Variants in PDXK observed in about 807,000 individuals in gnomAD.
PDXK encodes pyridoxal kinase.
A neutral mutation model predicts 43.2 loss-of-function variants in PDXK; 15 were observed. The ratio of observed to expected loss-of-function variants is 0.35; its 90% confidence interval spans 0.23 to 0.53. The LOEUF (loss-of-function observed/expected upper bound fraction) is 0.53, where lower values mean the gene tolerates loss of function less well. Ranked by LOEUF, PDXK falls within the 20% of genes least tolerant of loss-of-function variation. The pLI, the probability that PDXK is intolerant of heterozygous loss-of-function variation, is 0.92. For synonymous variants in PDXK, 172 were observed against 165.4 expected (o/e 1.04, Z -0.31); for missense variants, 343 against 417.0 (o/e 0.82, Z 1.54).
rs375526488 is a variant in PDXK, at chr21:43,734,040, C to T, written c.88-29C>T. ...TGGGACCCCAGACCTGGCTCTCTTACGCCTACCTGTTCCTTCTCTGTCTTG... is the reference window on the plus strand; with the variant it reads ...TGGGACCCCAGACCTGGCTCTCTTATGCCTACCTGTTCCTTCTCTGTCTTG... On this transcript the variant is annotated intron_variant, in intron 1 of 10. Transcript: ENST00000291565. The surrounding 1 kb of genome is among the most constrained non-coding windows in gnomAD (Gnocchi z 5.0). 47 of 1,612,024 alleles carry T rather than the reference C, an allele frequency of 2.9e-5. No homozygotes were observed. The highest frequency in any genetic ancestry group is 4.0e-5 in the African/African-American group (3 of 74,904).
chr21:43,755,958 C>T lies in PDXK; in HGVS notation c.834C>T (p.Ala278=), dbSNP rs146321963. ...QRTIQCAKAQ[A]GEGVRPSPMQ... is the part of the protein sequence containing the mutation. ...TCTCTGCCTGCCCCGCAGCCCAGGC[C>T]GGGGAAGGAGTGAGGCCCAGCCCCA... is the stretch of plus-strand genomic sequence containing the variant. The change falls in exon 11 of 11, where the codon GCC becomes GCT. Residue 278 remains alanine (A), a synonymous_variant. Transcript: ENST00000291565. 1.2e-3 allele frequency: 1,906 copies of T among 1,608,554 alleles called. 2 individuals are homozygous for T. The highest frequency in any genetic ancestry group is 1.5e-3 in the Non-Finnish European group (1,731 of 1,176,416).
chr21:43,755,100 G>T (rs547146402), intron 9 of PDXK, among the ~76,000 whole-genome samples: 171 of 152,354 alleles, frequency 1.1e-3, no homozygotes, highest in Non-Finnish European at 2.0e-3. Context: ...GCCGCCCAAG[G>T]TCACATTCTG....
intron 1 of PDXK, among the ~76,000 whole-genome samples, chr21:43,733,015 T>C (rs1420043558): frequency 4.6e-5 from 7 of 152,176 alleles, no homozygotes; most frequent in Non-Finnish European, 1.0e-4. Context: ...CCTAAAGTGC[T>C]GGGATTACAG....
Position 43,754,607 on chromosome 21 carries a change from C to G in PDXK, c.759+888C>G, listed in dbSNP as rs941074047. 6.6e-6 allele frequency among the ~76,000 whole-genome samples: 1 copy of G among 152,172 alleles called. No homozygotes were observed. The highest frequency in any genetic ancestry group is 1.5e-5 in the Non-Finnish European group (1 of 68,024). ...TCAGCCCCCAAAACTCCCCTGGGTACTTCCCACTGCGTCCGCAGTGGGTTC... is the reference window on the plus strand; with the variant it reads ...TCAGCCCCCAAAACTCCCCTGGGTAGTTCCCACTGCGTCCGCAGTGGGTTC... On this transcript the variant is annotated intron_variant, in intron 9 of 10. Coordinates refer to ENST00000291565, the MANE Select transcript of PDXK (RefSeq NM_003681.5). The surrounding 1 kb of genome is among the most constrained non-coding windows in gnomAD (Gnocchi z 5.5).
intron 2 of PDXK, among the ~76,000 whole-genome samples, chr21:43,736,608 G>T (rs2083406719): frequency 6.6e-6 from 1 of 151,452 alleles, no homozygotes; most frequent in African/African-American, 2.4e-5. Context: ...CTCTGCCCAG[G>T]GTTTTCCTTT....
intron 8 of PDXK, among the ~76,000 whole-genome samples, chr21:43,753,060 C>A (rs1361122320): frequency 6.6e-6 from 1 of 152,182 alleles, no homozygotes; most frequent in East Asian, 1.9e-4. Flanking sequence ...GACCTCCTTG[C>A]CGCTCTATGT....
intron 4 of PDXK, 151 bp from the exon 5 acceptor site, chr21:43,745,928 T>A: frequency 1.5e-6 from 1 of 677,804 alleles, no homozygotes; most frequent in Non-Finnish European, 2.7e-6. Flanking sequence ...GCCTGGAAGA[T>A]CGAGGTTGCA....
intron 1 of PDXK, chr21:43,729,064 AC>A: frequency 2.6e-6 from 2 of 774,148 alleles, no homozygotes; most frequent in Non-Finnish European, 1.5e-6. Flanking sequence ...CCAGCCCCCC[AC>A]CCCGCACCCG....
chr21:43,756,251 T>C lies in PDXK; in HGVS notation c.*188T>C, dbSNP rs1423145327. 8.0e-6 allele frequency: 4 copies of C among 497,252 alleles called. No individual in the cohort carries two copies. The highest frequency in any genetic ancestry group is 1.4e-5 in the Non-Finnish European group (4 of 277,884). The allele number at this position is 497,252 out of a possible 1,614,324, so 30.8% of individuals were successfully genotyped here. ...TGCTTTGTGAAAAATAACAAAGTGGTCACAGAAATTTGTGATCTGAAAACC... is the reference window on the plus strand; with the variant it reads ...TGCTTTGTGAAAAATAACAAAGTGGCCACAGAAATTTGTGATCTGAAAACC... On this transcript the variant is annotated 3_prime_UTR_variant, in exon 11 of 11. Transcript: ENST00000291565.
At chr21:43,742,170 A>G (rs759370427) in intron 3 of PDXK, among the ~76,000 whole-genome samples, 2 of 152,114 alleles carry the variant, frequency 1.3e-5, no homozygotes, top group Non-Finnish European at 2.9e-5. Context: ...TTGTATTTGT[A>G]TACATGTTTA....
At chr21:43,749,833 G>T (rs1400183512) in intron 6 of PDXK, among the ~76,000 whole-genome samples, 1 of 152,228 alleles carries the variant, frequency 6.6e-6, no homozygotes, top group Non-Finnish European at 1.5e-5. Context: ...AGAGGAGTGT[G>T]TTGGGCTTGG....
chr21:43,720,823 T>G (rs1239374220), intron 1 of PDXK, among the ~76,000 whole-genome samples: 1 of 152,176 alleles, frequency 6.6e-6, no homozygotes, highest in East Asian at 1.9e-4. Flanking sequence ...GCGTCCACTC[T>G]CTTGGCAGAA....
chr21:43,730,771 T>A (rs957403081), intron 1 of PDXK, among the ~76,000 whole-genome samples: 6 of 151,918 alleles, frequency 3.9e-5, no homozygotes, highest in African/African-American at 1.5e-4. Flanking sequence ...CTGGACAACA[T>A]AGTGAGACTC....
In PDXK at chr21:43,741,821, C is replaced by G. The variant is rs1462507139; in HGVS notation, c.247+50C>G. On this transcript the variant is annotated intron_variant, in intron 3 of 10. Transcript: ENST00000291565. Reference sequence around the variant, plus strand: ...AGGGGACTACGCACCCCACTCCAGCCAGGGTGGGCTCAGGGAGGTCCAGAG... The same window carrying G: ...AGGGGACTACGCACCCCACTCCAGCGAGGGTGGGCTCAGGGAGGTCCAGAG... 2.3e-6 allele frequency: 3 copies of G among 1,277,850 alleles called. No individual in the cohort carries two copies. In the African/African-American group the frequency reaches 4.4e-5, roughly 19 times the overall value. The allele number at this position is 1,277,850 out of a possible 1,614,324, so 79.2% of individuals were successfully genotyped here.
rs1055402772 is a variant in PDXK at position 43,754,848 on chromosome 21, C to A, written c.760-850C>A. The stretch of plus-strand genomic sequence containing the variant: ...CCCCCGGGGTACACCTCCTCCCCAA[C>A]AAGTCAGTTTCAGCTGAGTGTCCTG... On this transcript the variant is annotated intron_variant, in intron 9 of 10. Transcript: ENST00000291565. The surrounding 1 kb of genome is among the most constrained non-coding windows in gnomAD (Gnocchi z 5.5). Among the ~76,000 whole-genome samples, 1 of 152,170 alleles carries A rather than the reference C, an allele frequency of 6.6e-6. No individual in the cohort carries two copies. The highest frequency in any genetic ancestry group is 1.5e-5 in the Non-Finnish European group (1 of 68,022).
At position 43,737,009 on chromosome 21, in the gene PDXK, T is replaced by G; in HGVS notation, c.142+2886T>G. 1.4e-6 allele frequency: 1 copy of G among 706,064 alleles called. No homozygotes were observed. The highest frequency in any genetic ancestry group is 2.6e-6 in the Non-Finnish European group (1 of 388,116). The allele number at this position is 706,064 out of a possible 1,614,324, so 43.7% of individuals were successfully genotyped here. A position where few individuals can be genotyped will look rare whatever the true frequency, so the allele number is the denominator to read the frequency against. On this transcript the variant is annotated intron_variant, in intron 2 of 10. Coordinates refer to ENST00000291565, the MANE Select transcript of PDXK (RefSeq NM_003681.5). The surrounding 1 kb of genome is among the most constrained non-coding windows in gnomAD (Gnocchi z 4.8). ...GCGTGAAGTGGCGCAACCAGCTCAC[T>G]GCAGCCTTGACCTCCTGGGCTGAAG...
chr21:43,719,432 G>A, intron 1 of PDXK, 51 bp downstream of exon 1: 2 of 1,470,966 alleles, frequency 1.4e-6, no homozygotes, highest in Non-Finnish European at 1.8e-6. Context: ...CCGTGACCTT[G>A]GCGGGGCTGC....
chr21:43,750,966 G>A (rs1331389087), intron 7 of PDXK, among the ~76,000 whole-genome samples: 34 of 126,086 alleles, frequency 2.7e-4, no homozygotes, highest in Admixed American at 1.5e-3. Flanking sequence ...GTGTGCATGT[G>A]TGTGTGTGTG....
At chr21:43,755,817 T>A (rs971844193) in intron 10 of PDXK, 53 bp downstream of exon 10, 9 of 1,541,700 alleles carry the variant, frequency 5.8e-6, no homozygotes, top group Admixed American at 3.3e-5. Context: ...CCGAAGTGGG[T>A]GGGAGAGAAG....
Sources: gnomAD v4.1 joint callset for allele counts (sites outside exome capture counted in the v4.1 genomes callset) on GRCh38, gnomAD v4.1.1 for gene constraint, Gnocchi (gnomAD v3.1) non-coding constraint, MANE v1.5 for transcripts, NCBI Gene and HGNC (gene_info 2026-07-23, HGNC 2026-07-21) for gene names.